CAB39L: variants seen among roughly 807,000 people sequenced by gnomAD.
CAB39L encodes the protein calcium binding protein 39 like.
In CAB39L, 23 loss-of-function variants were observed where a neutral mutation model predicts 39.1. That is an observed-to-expected ratio of 0.59 (90% confidence interval 0.42 to 0.83). The LOEUF (loss-of-function observed/expected upper bound fraction) is 0.83, where lower values mean the gene tolerates loss of function less well. CAB39L is among the 40% of genes least tolerant of loss of function. The pLI, the probability that CAB39L is intolerant of heterozygous loss-of-function variation, is 0.00. For synonymous variants in CAB39L, 126 were observed against 137.2 expected, an observed-to-expected ratio of 0.92 and a Z score of 0.57; for missense variants, 366 against 391.9, an observed-to-expected ratio of 0.93 and a Z score of 0.56.
intron 3 of CAB39L, among the ~76,000 whole-genome samples, chr13:49,429,761 T>C (rs1339823050): frequency 6.6e-6 from 1 of 152,214 alleles, no homozygotes; most frequent in East Asian, 1.9e-4. Context: ...TGTTCTCTTA[T>C]AGTTTTAATT....
chr13:49,440,715 AGTGTGTGTGTGTGTGTGTGTGTGT>A (rs56314282), intron 1 of CAB39L, among the ~76,000 whole-genome samples: 11 of 135,440 alleles, frequency 8.1e-5, no homozygotes, highest in Non-Finnish European at 1.1e-4. Context: ...ATTCCTAGGC[AGTGTGTGTGTGTGTGTGTGTGTGT>A]GTGTGTGTGT....
At chr13:49,347,721 C>A (rs1452066431) in intron 7 of CAB39L, among the ~76,000 whole-genome samples, 3 of 152,092 alleles carry the variant, frequency 2.0e-5, no homozygotes, top group Non-Finnish European at 4.4e-5. Flanking sequence ...TCATCTCTAG[C>A]CGCTGTACAA....
intron 10 of CAB39L, 30 bp from the exon 11 acceptor site, chr13:49,311,023 G>A: frequency 6.2e-7 from 1 of 1,602,908 alleles, no homozygotes; most frequent in African/African-American, 1.3e-5. Context: ...ATACTTAGGA[G>A]TGCAAGCCAG....
At chr13:49,377,887 C>T (rs1956126283) in intron 4 of CAB39L, among the ~76,000 whole-genome samples, 1 of 83,694 alleles carries the variant, frequency 1.2e-5, no homozygotes, top group Non-Finnish European at 2.4e-5. Flanking sequence ...CGCCCGGCCG[C>T]CATCCCATCT....
At chr13:49,356,193 C>T (rs1048247943) in intron 6 of CAB39L, among the ~76,000 whole-genome samples, 1 of 152,146 alleles carries the variant, frequency 6.6e-6, no homozygotes, top group Non-Finnish European at 1.5e-5. Context: ...AAAAGTACAT[C>T]TCCTAATGTG....
intron 10 of CAB39L, among the ~76,000 whole-genome samples, chr13:49,330,059 G>T (rs1311697298): frequency 1.3e-5 from 2 of 152,138 alleles, no homozygotes; most frequent in Admixed American, 1.3e-4. Flanking sequence ...ACCTCAAGGT[G>T]GCTAGTCAAC....
At chr13:49,395,045 T>C (rs772530070) in intron 3 of CAB39L, among the ~76,000 whole-genome samples, 1 of 152,238 alleles carries the variant, frequency 6.6e-6, no homozygotes, top group Non-Finnish European at 1.5e-5. Context: ...CTGAGTAATG[T>C]AGTTTGCTTG....
intron 3 of CAB39L, among the ~76,000 whole-genome samples, chr13:49,432,322 G>C (rs1460107205): frequency 1.3e-5 from 2 of 152,004 alleles, no homozygotes; most frequent in Admixed American, 1.3e-4. Flanking sequence ...TTATTGTAGA[G>C]ACAGGGTTTC....
Position 49,333,728 on chromosome 13 carries a change from T to A in CAB39L, c.691-1638A>T, listed in dbSNP as rs145552916. Among the ~76,000 whole-genome samples the A allele has an allele frequency of 6.9e-3, 1,046 of 151,880 alleles. 17 individuals are homozygous for A. The highest frequency in any genetic ancestry group is 0.024 in the African/African-American group (991 of 41,446). On this transcript the variant is annotated intron_variant, in intron 9 of 10. Transcript: ENST00000409308. Reference sequence around the variant, plus strand: ...CTGAGACTACAGCCACCTGCCACCATGCCCGGCTAATTTTTTAGTATTTTT... The same window carrying A: ...CTGAGACTACAGCCACCTGCCACCAAGCCCGGCTAATTTTTTAGTATTTTT...
intron 3 of CAB39L, among the ~76,000 whole-genome samples, chr13:49,402,636 T>C (rs1956797834): frequency 6.6e-6 from 1 of 152,166 alleles, no homozygotes; most frequent in African/African-American, 2.4e-5. Flanking sequence ...TCTCTAAGAA[T>C]ATAAGCTTAA....
At chr13:49,350,214 A>G (rs1459238309) in intron 7 of CAB39L, among the ~76,000 whole-genome samples, 1 of 152,216 alleles carries the variant, frequency 6.6e-6, no homozygotes, top group Non-Finnish European at 1.5e-5. Context: ...ATTATGAAAC[A>G]ACGACAATAT....
At position 49,359,823 on chromosome 13, in the gene CAB39L, CT is replaced by C; in HGVS notation, c.285del (p.Asp96MetfsTer2). The C allele has an allele frequency of 9.4e-6, 15 of 1,595,898 alleles. No homozygotes were observed. The highest frequency in any genetic ancestry group is 1.2e-5 in the Non-Finnish European group (14 of 1,164,300). ...ATGTTGTTAAATATCTGGGTCACAT[CT>C]TTTTTTCCCTGTTAAAGAAACAAAC... ...DLQLIDFEGK[K>X]DVTQIFNNIL... On this transcript the variant is annotated frameshift_variant, in exon 6 of 11. Coordinates refer to ENST00000409308, the MANE Select transcript of CAB39L (RefSeq NM_001079670.3). LOFTEE classifies it high-confidence loss of function.
intron 10 of CAB39L, among the ~76,000 whole-genome samples, chr13:49,329,594 T>G: frequency 8.3e-6 from 1 of 120,268 alleles, no homozygotes; most frequent in African/African-American, 2.9e-5. Context: ...TATATATATA[T>G]ATAATGATGT....
intron 3 of CAB39L, among the ~76,000 whole-genome samples, chr13:49,419,108 CAG>C (rs1471029763): frequency 6.6e-6 from 1 of 152,044 alleles, no homozygotes; most frequent in Non-Finnish European, 1.5e-5. Flanking sequence ...GCTGTGATTA[CAG>C]GTGCATGCCA....
At chr13:49,385,219 T>A (rs1009358113) in intron 3 of CAB39L, among the ~76,000 whole-genome samples, 2 of 152,234 alleles carry the variant, frequency 1.3e-5, no homozygotes, top group African/African-American at 4.8e-5. Context: ...CCTGCACTTT[T>A]ATGTTCTGGA....
At chr13:49,376,244 G>A (rs1002698855) in intron 5 of CAB39L, among the ~76,000 whole-genome samples, 23 of 152,314 alleles carry the variant, frequency 1.5e-4, no homozygotes, top group Admixed American at 1.4e-3. Context: ...TTCGTATTAT[G>A]ATAGAAACAA....
chr13:49,329,548 T>C (rs772132371), intron 10 of CAB39L, among the ~76,000 whole-genome samples: 177 of 9,542 alleles, frequency 0.019, 7 homozygotes, highest in African/African-American at 0.085. Flanking sequence ...AAAAAAAATA[T>C]ATATATATAT....
intron 10 of CAB39L, among the ~76,000 whole-genome samples, chr13:49,311,744 G>T (rs934271593): frequency 6.6e-6 from 1 of 152,008 alleles, no homozygotes; most frequent in African/African-American, 2.4e-5. Flanking sequence ...ATAGAATAAG[G>T]ATATAAAGAA....
chr13:49,329,240 T>C (rs754867455), intron 10 of CAB39L, among the ~76,000 whole-genome samples: 2 of 152,164 alleles, frequency 1.3e-5, no homozygotes, highest in African/African-American at 4.8e-5. Context: ...AGAAGATTAC[T>C]TCCTTCTTCA....
Sources: gnomAD v4.1 joint callset for allele counts (sites outside exome capture counted in the v4.1 genomes callset) on GRCh38, gnomAD v4.1.1 for gene constraint, MANE v1.5 for transcripts, NCBI Gene and HGNC (gene_info 2026-07-23, HGNC 2026-07-21) for gene names.